KCNMA1: variants seen among roughly 807,000 people sequenced by gnomAD.
KCNMA1 encodes the protein Calcium-activated potassium channel subunit alpha-1.
Under a neutral mutation model 140.0 loss-of-function variants are expected in KCNMA1, and 29 were observed. The ratio of observed to expected loss-of-function variants is 0.21; its 90% CI spans 0.15 to 0.28. The LOEUF (loss-of-function observed/expected upper bound fraction) is 0.28, where lower values mean the gene tolerates loss of function less well. Among genes scored for constraint, KCNMA1 ranks in the 10% least tolerant of loss-of-function variants. The pLI is 1.00. For missense variants in KCNMA1, 880 were observed against 1,602.2 expected (o/e 0.55, Z 7.70); for synonymous variants, 612 against 611.9 (o/e 1.00, Z 0.00).
At chr10:76,924,232 T>G (rs1040300199) in intron 23 of KCNMA1, among the ~76,000 whole-genome samples, 1 of 152,120 alleles carries the variant, frequency 6.6e-6, no homozygotes, top group African/African-American at 2.4e-5. Flanking sequence ...TGGTTAAGTA[T>G]GCATCCACTA....
At chr10:77,221,190 A>T (rs1025305456) in intron 3 of KCNMA1, among the ~76,000 whole-genome samples, 15 of 152,016 alleles carry the variant, frequency 9.9e-5, no homozygotes, top group Admixed American at 2.0e-4. Context: ...TCTTCCCCTC[A>T]CCATCCTCCT....
chr10:77,519,834 T>TTGAGGGTATGCAGTG (rs1418274482), intron 1 of KCNMA1, among the ~76,000 whole-genome samples: 4 of 152,176 alleles, frequency 2.6e-5, no homozygotes, highest in Admixed American at 6.5e-5. Flanking sequence ...AGGGCCTTGT[T>TTGAGGGTATGCAGTG]TGAGGGTATG....
At chr10:77,177,297 CCTT>C (rs1048838329) in intron 5 of KCNMA1, among the ~76,000 whole-genome samples, 2 of 150,524 alleles carry the variant, frequency 1.3e-5, no homozygotes, top group African/African-American at 4.9e-5. Context: ...TTCTTTCCTT[CCTT>C]CTTTCTTTTC....
intron 2 of KCNMA1, among the ~76,000 whole-genome samples, chr10:77,294,792 G>A (rs1036757562): frequency 3.9e-5 from 6 of 151,900 alleles, no homozygotes; most frequent in Admixed American, 6.6e-5. Context: ...GGTGCCACAC[G>A]CCTGTAATCC....
chr10:77,330,026 A>G (rs1238336210), intron 2 of KCNMA1, among the ~76,000 whole-genome samples: 1 of 152,174 alleles, frequency 6.6e-6, no homozygotes, highest in East Asian at 1.9e-4. Context: ...TGTTGTTCCA[A>G]ATTAGACGTA....
chr10:77,090,855 T>C (rs1045451060), intron 9 of KCNMA1: 2 of 346,014 alleles, frequency 5.8e-6, no homozygotes, highest in African/African-American at 4.2e-5. Context: ...TGCAGATTCA[T>C]ATCTCTCCCT....
intron 23 of KCNMA1, among the ~76,000 whole-genome samples, chr10:76,934,886 G>A (rs1403250666): frequency 6.6e-6 from 1 of 152,134 alleles, no homozygotes; most frequent in African/African-American, 2.4e-5. Flanking sequence ...GGAAACTTCC[G>A]CTTGAGCATG....
chr10:77,306,736 T>C (rs1488275822), intron 2 of KCNMA1, among the ~76,000 whole-genome samples: 2 of 152,182 alleles, frequency 1.3e-5, no homozygotes, highest in East Asian at 3.9e-4. Context: ...ACTATTGCAG[T>C]TGTCTACACA....
At chr10:77,244,557 A>G (rs1219164528) in intron 3 of KCNMA1, among the ~76,000 whole-genome samples, 1 of 152,234 alleles carries the variant, frequency 6.6e-6, no homozygotes, top group Non-Finnish European at 1.5e-5. Flanking sequence ...TTTGACGTAA[A>G]TGAAACCAAT....
At chr10:77,438,858 C>A (rs2097318921) in intron 1 of KCNMA1, among the ~76,000 whole-genome samples, 1 of 152,120 alleles carries the variant, frequency 6.6e-6, no homozygotes, top group South Asian at 2.1e-4. Context: ...GGGTGGATCA[C>A]CTGAGGTCAG....
chr10:76,943,764 T>A (rs1349348749), intron 23 of KCNMA1, among the ~76,000 whole-genome samples: 1 of 152,122 alleles, frequency 6.6e-6, no homozygotes, highest in East Asian at 1.9e-4. Flanking sequence ...GATGTCAAGT[T>A]GACAAAAAAT....
chr10:77,269,064 C>A (rs1252302280), intron 2 of KCNMA1, among the ~76,000 whole-genome samples: 2 of 152,138 alleles, frequency 1.3e-5, no homozygotes, highest in Non-Finnish European at 2.9e-5. Flanking sequence ...TGAAGAACTG[C>A]CCCAGTTCTG....
Position 77,408,845 on chromosome 10 carries a change from C to A in KCNMA1, c.379-4822G>T, listed in dbSNP as rs925631949. 2.6e-5 allele frequency among the ~76,000 whole-genome samples: 4 copies of A among 152,152 alleles called. No individual in the cohort carries two copies. The East Asian group carries it at 7.7e-4, about 29-fold the overall frequency. ...CACTCTGGATCTGCCTCCAACCCTGCCCTCTCTCCCCACTAGAGCCTTGTG... is the reference window on the plus strand; with the variant it reads ...CACTCTGGATCTGCCTCCAACCCTGACCTCTCTCCCCACTAGAGCCTTGTG... On this transcript the variant is annotated intron_variant, in intron 1 of 27. Transcript: ENST00000286628.
At chr10:77,114,649 C>T (rs1190310310) in intron 6 of KCNMA1, among the ~76,000 whole-genome samples, 1 of 152,238 alleles carries the variant, frequency 6.6e-6, no homozygotes, top group Non-Finnish European at 1.5e-5. Flanking sequence ...CAGTTCAATC[C>T]CTACTGCTTC....
chr10:76,951,412 C>T (rs1009190779), intron 21 of KCNMA1, among the ~76,000 whole-genome samples: 7 of 152,284 alleles, frequency 4.6e-5, no homozygotes, highest in African/African-American at 1.7e-4. Flanking sequence ...GTGTGTATGA[C>T]GGGACTTGCC....
chr10:77,422,138 C>T (rs549073459), intron 1 of KCNMA1, among the ~76,000 whole-genome samples: 48 of 152,350 alleles, frequency 3.2e-4, no homozygotes, highest in African/African-American at 1.1e-3. Context: ...TCTTCTTTAA[C>T]CCAAAATATC....
At chr10:77,316,669 A>G (rs935307005) in intron 2 of KCNMA1, among the ~76,000 whole-genome samples, 2 of 152,062 alleles carry the variant, frequency 1.3e-5, no homozygotes, top group African/African-American at 2.4e-5. Context: ...GGAACCCTGA[A>G]CCCACCACCT....
chr10:77,034,712 T>C (rs902901052), intron 15 of KCNMA1, among the ~76,000 whole-genome samples: 4 of 152,078 alleles, frequency 2.6e-5, no homozygotes, highest in African/African-American at 9.7e-5. Flanking sequence ...CTGATTGGAG[T>C]TCCCCAAGTT....
At chr10:77,208,773 G>A (rs371351330) in intron 3 of KCNMA1, among the ~76,000 whole-genome samples, 3 of 152,126 alleles carry the variant, frequency 2.0e-5, no homozygotes, top group East Asian at 3.9e-4. Flanking sequence ...ACAGGCAAGA[G>A]CTAAACAAAT....
Sources: gnomAD v4.1 joint callset for allele counts (sites outside exome capture counted in the v4.1 genomes callset) on GRCh38, gnomAD v4.1.1 for gene constraint, MANE v1.5 for transcripts, NCBI Gene and HGNC (gene_info 2026-07-23, HGNC 2026-07-21) for gene names.